SP110: variants seen among roughly 807,000 people sequenced by gnomAD.
SP110 encodes SP110 nuclear body protein.
SP110 carries 62 observed loss-of-function variants against 92.7 expected under a neutral mutation model. The ratio of observed to expected loss-of-function variants is 0.67; its 90% CI spans 0.55 to 0.83. SP110 has a LOEUF of 0.83. SP110 is among the 40% of genes least tolerant of loss of function. The pLI is 0.00. For synonymous variants in SP110, 273 were observed against 305.3 expected (o/e 0.89, Z 1.10); for missense variants, 793 against 863.9 (o/e 0.92, Z 1.03).
chr2:230,191,946 T>A (rs918061270), intron 10 of SP110, among the ~76,000 whole-genome samples: 1 of 152,170 alleles, frequency 6.6e-6, no homozygotes, highest in Non-Finnish European at 1.5e-5. Flanking sequence ...CATGATCAAG[T>A]CGGTTTCATC....
At chr2:230,219,802 C>T in intron 1 of SP110, 72 bp downstream of exon 1, 1 of 491,642 alleles carries the variant, frequency 2.0e-6, no homozygotes, top group Non-Finnish European at 2.6e-6. Context: ...CCTGCAGCTG[C>T]TGCCGCGAAG....
intron 10 of SP110, among the ~76,000 whole-genome samples, chr2:230,187,501 T>C (rs2042411314): frequency 1.3e-5 from 2 of 152,310 alleles, no homozygotes. Flanking sequence ...TTTAATTAAG[T>C]CCCATTTATT....
At position 230,178,338 on chromosome 2, in the gene SP110, A is replaced by C. The variant is rs1039510417; in HGVS notation, c.1349-83T>G. On this transcript the variant is annotated intron_variant, in intron 12 of 18. Transcript: ENST00000258381. ...AATTCTCCCCTCCATGAATTCCAAT[A>C]ATGTACAGGGTATTGGGGAACGTTC... is the stretch of plus-strand genomic sequence containing the variant. 9.9e-6 allele frequency: 8 copies of C among 805,446 alleles called. No individual in the cohort carries two copies. The African/African-American group carries it at 1.4e-4, about 14-fold the overall frequency. 49.9% of individuals were successfully genotyped at this position (805,446 alleles called of 1,614,324 possible).
upstream of SP110, among the ~76,000 whole-genome samples, chr2:230,222,636 A>C (rs1279124814): frequency 1.3e-5 from 2 of 151,674 alleles, no homozygotes; most frequent in African/African-American, 4.8e-5. Flanking sequence ...AAGTGGGAGA[A>C]TTGCTTGAGC....
At chr2:230,210,085 C>G (rs2044299334) in intron 6 of SP110, 77 bp from the exon 7 acceptor site, 8 of 888,140 alleles carry the variant, frequency 9.0e-6, no homozygotes, top group Middle Eastern at 2.6e-4. Context: ...AATGCAAGAA[C>G]TAGAAAAGTA....
At chr2:230,195,477 G>C (rs2042829558) in intron 10 of SP110, among the ~76,000 whole-genome samples, 1 of 152,080 alleles carries the variant, frequency 6.6e-6, no homozygotes, top group South Asian at 2.1e-4. Flanking sequence ...TGGCATAACA[G>C]GTATGCACCC....
chr2:230,170,989 T>C (rs1416722296), intron 17 of SP110: 3 of 598,898 alleles, frequency 5.0e-6, no homozygotes, highest in Non-Finnish European at 8.9e-6. Flanking sequence ...GCCCATTTCA[T>C]AGATGAGGAA....
chr2:230,169,202 CT>C lies in SP110; in HGVS notation c.2063del (p.Glu688GlyfsTer31). 1 of 1,613,790 alleles carries C rather than the reference CT, an allele frequency of 6.2e-7. No homozygotes were observed. The highest frequency in any genetic ancestry group is 8.5e-7 in the Non-Finnish European group (1 of 1,179,710). The stretch of plus-strand genomic sequence containing the variant: ...CTTTGAGATCTTTTTCAAATTCTGC[CT>C]CTAAGTCAAGTCCTACCTGGCCAAA... ...SDFGQVGLDL[E>X]AEFEKDLKDV... On this transcript the variant is annotated frameshift_variant, in exon 19 of 19. Transcript: ENST00000258381. LOFTEE classifies it low-confidence loss of function (END_TRUNC).
chr2:230,216,756 CA>C, intron 2 of SP110, 24 bp downstream of exon 2: 1 of 1,613,174 alleles, frequency 6.2e-7, no homozygotes, highest in Non-Finnish European at 8.5e-7. Flanking sequence ...GCTGGGCTGC[CA>C]TGGAAGGGTT....
chr2:230,170,814 T>C, intron 17 of SP110, 53 bp from the exon 18 acceptor site: 1 of 1,575,582 alleles, frequency 6.3e-7, no homozygotes, highest in Non-Finnish European at 8.7e-7. Context: ...ATCACTGGAA[T>C]GGATCCAACT....
At chr2:230,213,256 C>A (rs1429527019) in intron 3 of SP110, among the ~76,000 whole-genome samples, 1 of 152,152 alleles carries the variant, frequency 6.6e-6, no homozygotes, top group Admixed American at 6.5e-5. Flanking sequence ...AAGCCCTGAT[C>A]TAATACCAAA....
chr2:230,191,806 C>T (rs2042643251), intron 10 of SP110, among the ~76,000 whole-genome samples: 1 of 151,980 alleles, frequency 6.6e-6, no homozygotes, highest in African/African-American at 2.4e-5. Context: ...ATCCTGATAC[C>T]AAAACTGGGA....
rs949542828 is a variant in SP110, at chr2:230,166,139, G to A, written c.*2985C>T. Among the ~76,000 whole-genome samples, 3 of 152,044 alleles carry A rather than the reference G, an allele frequency of 2.0e-5. No individual in the cohort carries two copies. Among genetic ancestry groups the A allele is most frequent in the African/African-American group, 7.3e-5 (3 of 41,378 alleles). ...GATCTCTTGACCTCGCGATCCACTC[G>A]CCTCAGCCTCCCAAAGTGCTGGGAT... On this transcript the variant is annotated 3_prime_UTR_variant, in exon 19 of 19. Coordinates refer to ENST00000258381, the MANE Select transcript of SP110 (RefSeq NM_080424.4).
At chr2:230,172,622 C>T (rs2078476947) in intron 15 of SP110, 1 of 569,406 alleles carries the variant, frequency 1.8e-6, no homozygotes, top group Admixed American at 3.0e-5. Context: ...GGACAGGAGT[C>T]CCTGCTGTCC....
intron 9 of SP110, among the ~76,000 whole-genome samples, chr2:230,201,487 A>T (rs1438735061): frequency 6.6e-6 from 1 of 152,238 alleles, no homozygotes; most frequent in Non-Finnish European, 1.5e-5. Context: ...GTACCAAAAA[A>T]AATAAAAATA....
chr2:230,201,989 T>C (rs1468890831), intron 9 of SP110, among the ~76,000 whole-genome samples: 1 of 152,210 alleles, frequency 6.6e-6, no homozygotes, highest in Non-Finnish European at 1.5e-5. Context: ...CTTTCTATCC[T>C]TCAATCAAAG....
rs760017935 is a variant in SP110, at chr2:230,177,659, C to T, written c.1469G>A (p.Arg490Gln). Residue 490 changes from arginine to glutamine, a missense_variant, in exon 14 of 19, where the codon CGG (arginine) becomes CAG (glutamine). Coordinates refer to ENST00000258381, the MANE Select transcript of SP110 (RefSeq NM_080424.4). Reference protein sequence around the residue: ...MKHGSSVKCIRNEDGTWLTPN... With the variant: ...MKHGSSVKCIQNEDGTWLTPN... Reference sequence around the variant, plus strand: ...TGTTAACCAAGTTCCATCCTCATTCCGAATGCACTTCACTGAGGATCCTGT... The same window carrying T: ...TGTTAACCAAGTTCCATCCTCATTCTGAATGCACTTCACTGAGGATCCTGT... 1.2e-5 allele frequency: 20 copies of T among 1,614,040 alleles called. No homozygotes were observed. The East Asian group carries it at 2.9e-4, about 23-fold the overall frequency.
Position 230,165,939 on chromosome 2 carries a change from G to C in SP110, c.*3185C>G, listed in dbSNP as rs1345640279. On this transcript the variant is annotated 3_prime_UTR_variant, in exon 19 of 19. Transcript: ENST00000258381. Reference sequence around the variant, plus strand: ...AACAGAGTCTTACTCTGTTGCCCAGGCTGGAGTGCAGTGGTGGGATCTCGG... The same window carrying C: ...AACAGAGTCTTACTCTGTTGCCCAGCCTGGAGTGCAGTGGTGGGATCTCGG... 2.0e-5 allele frequency among the ~76,000 whole-genome samples: 3 copies of C among 149,480 alleles called. No homozygotes were observed. The highest frequency in any genetic ancestry group is 4.4e-5 in the Non-Finnish European group (3 of 67,632).
upstream of SP110, among the ~76,000 whole-genome samples, chr2:230,220,608 C>A (rs1199008232): frequency 6.6e-6 from 1 of 152,214 alleles, no homozygotes; most frequent in African/African-American, 2.4e-5. Context: ...CTGGGACCTG[C>A]TGATTCCAGA....
Sources: gnomAD v4.1 joint callset for allele counts (sites outside exome capture counted in the v4.1 genomes callset) on GRCh38, gnomAD v4.1.1 for gene constraint, MANE v1.5 for transcripts, NCBI Gene and HGNC (gene_info 2026-07-23, HGNC 2026-07-21) for gene names.